NF2: variants seen among roughly 807,000 people sequenced by gnomAD.
NF2 encodes the protein NF2, moesin-ezrin-radixin like (MERLIN) tumor suppressor.
In NF2, 8 loss-of-function variants were observed where a neutral mutation model predicts 83.7. The ratio of observed to expected loss-of-function variants is 0.10; its 90% CI spans 0.06 to 0.17. NF2 has a LOEUF of 0.17. Among genes scored for constraint, NF2 ranks in the 10% least tolerant of loss-of-function variants. The probability of loss-of-function intolerance (pLI) is 1.00; values close to 1 mark genes in which losing one functional copy is unlikely to be tolerated. For missense variants in NF2, 533 were observed against 744.4 expected (o/e 0.72, Z 3.31); for synonymous variants, 266 against 269.6 (o/e 0.99, Z 0.13).
chr22:29,654,937 G>A (rs774024203), intron 5 of NF2, among the ~76,000 whole-genome samples: 1 of 152,150 alleles, frequency 6.6e-6, no homozygotes, highest in African/African-American at 2.4e-5. Flanking sequence ...GACTAGCATG[G>A]CCTGTAAATG....
intron 11 of NF2, 133 bp downstream of exon 11, chr22:29,672,081 AG>A: frequency 7.4e-7 from 1 of 1,359,328 alleles, no homozygotes; most frequent in Non-Finnish European, 1.0e-6. Context: ...TGAAAAAATC[AG>A]TGCCTTTTCT....
intron 5 of NF2, among the ~76,000 whole-genome samples, chr22:29,655,040 T>A (rs2066258171): frequency 6.6e-6 from 1 of 152,070 alleles, no homozygotes; most frequent in Non-Finnish European, 1.5e-5. Flanking sequence ...CTTGGGGAAT[T>A]GAGCTGTTTG....
At chr22:29,665,282 C>A (rs2066589738) in intron 9 of NF2, among the ~76,000 whole-genome samples, 1 of 151,814 alleles carries the variant, frequency 6.6e-6, no homozygotes, top group Non-Finnish European at 1.5e-5. Context: ...GCTCTGTCGC[C>A]CAGGCTGGAG....
intron 11 of NF2, 69 bp from the exon 12 acceptor site, chr22:29,673,200 G>T: frequency 6.6e-7 from 1 of 1,505,994 alleles, no homozygotes; most frequent in South Asian, 1.2e-5. Context: ...CCATCTCAGT[G>T]TTCAAGGCAG....
At chr22:29,658,851 G>A (rs990251070) in intron 7 of NF2, among the ~76,000 whole-genome samples, 3 of 152,110 alleles carry the variant, frequency 2.0e-5, no homozygotes, top group African/African-American at 7.2e-5. Flanking sequence ...TGGATGCAGT[G>A]TATAGGCAGC....
chr22:29,654,291 TATC>T (rs1569293055), intron 4 of NF2, among the ~76,000 whole-genome samples: 1 of 152,186 alleles, frequency 6.6e-6, no homozygotes, highest in African/African-American at 2.4e-5. Context: ...GTAAGACTCT[TATC>T]ATATGTTGTT....
At position 29,603,844 on chromosome 22, in the gene NF2, G is replaced by A; in HGVS notation, c.-155G>A. The stretch of plus-strand genomic sequence containing the variant: ...CTCAGGCAGGGTCCTCGCGGCCCAT[G>A]CTGGCCGCTGGGGACCCGCGCAGCC... On this transcript the variant is annotated 5_prime_UTR_variant, in exon 1 of 16. The change abolishes an upstream ATG in the 5' untranslated region. Coordinates refer to ENST00000338641, the MANE Select transcript of NF2 (RefSeq NM_000268.4). The A allele has an allele frequency of 1.7e-6, 1 of 605,322 alleles. No homozygotes were observed. Among genetic ancestry groups the A allele is most frequent in the Non-Finnish European group, 2.9e-6 (1 of 346,170 alleles). The allele number at this position is 605,322 out of a possible 1,614,324, so 37.5% of individuals were successfully genotyped here.
At position 29,636,746 on chromosome 22, in the gene NF2, T is replaced by C. The variant is rs773841516; in HGVS notation, c.115-5T>C. 6.2e-7 allele frequency: 1 copy of C among 1,614,216 alleles called. No individual in the cohort carries two copies. The highest frequency in any genetic ancestry group is 2.2e-5 in the East Asian group (1 of 44,894). ...GTGTCCTTCCCCATTGGTTTGTTAT[T>C]GCAGATGAAGTGGAAAGGGAAGGAC... On this transcript the variant is annotated splice_region_variant and splice_polypyrimidine_tract_variant and intron_variant, in intron 1 of 15. Transcript: ENST00000338641. The surrounding 1 kb of genome is among the most constrained non-coding windows in gnomAD (Gnocchi z 4.4).
chr22:29,684,149 C>T (rs2067217750), intron 15 of NF2: 2 of 168,304 alleles, frequency 1.2e-5, no homozygotes, highest in Non-Finnish European at 2.6e-5. Flanking sequence ...TTAAAAGGTA[C>T]ACTTGAGCTG....
rs187803691 is a variant in NF2, at chr22:29,639,847, A to G, written c.363+635A>G. 3.0e-5 allele frequency among the ~76,000 whole-genome samples: 4 copies of G among 132,078 alleles called. No individual in the cohort carries two copies. The Admixed American group carries it at 3.6e-4, about 12-fold the overall frequency. 86.6% of individuals were successfully genotyped at this position (132,078 alleles called of 152,430 possible). On this transcript the variant is annotated intron_variant, in intron 3 of 15. Coordinates refer to ENST00000338641, the MANE Select transcript of NF2 (RefSeq NM_000268.4). ...CAGTGAGCCAAGATCGCGCCACTGC[A>G]CTCCAGCTTGGGCAACAGAGTGAGG... is the stretch of plus-strand genomic sequence containing the variant.
At chr22:29,649,786 A>G (rs1046935110) in intron 4 of NF2, among the ~76,000 whole-genome samples, 1 of 151,872 alleles carries the variant, frequency 6.6e-6, no homozygotes, top group Non-Finnish European at 1.5e-5. Context: ...GTACAAAAAA[A>G]AAAAAGAAAA....
At chr22:29,671,749 G>A (rs2066795092) in intron 10 of NF2, 77 bp from the exon 11 acceptor site, 1 of 1,603,514 alleles carries the variant, frequency 6.2e-7, no homozygotes, top group Non-Finnish European at 8.5e-7. Flanking sequence ...ACTGGAGATG[G>A]GGCATCTTTG....
intron 6 of NF2, among the ~76,000 whole-genome samples, chr22:29,656,579 A>C (rs1184768273): frequency 6.6e-6 from 1 of 151,482 alleles, no homozygotes; most frequent in Non-Finnish European, 1.5e-5. Context: ...GCCTAGGCTA[A>C]TTTTTTGTGT....
intron 15 of NF2, 65 bp downstream of exon 15, chr22:29,681,666 C>T: frequency 3.1e-6 from 5 of 1,598,772 alleles, no homozygotes; most frequent in Non-Finnish European, 4.3e-6. Flanking sequence ...GTGCGGTTGG[C>T]ATCTGGTTTC....
chr22:29,691,978 G>A (rs1476329301), intron 15 of NF2, among the ~76,000 whole-genome samples: 1 of 152,244 alleles, frequency 6.6e-6, no homozygotes, highest in African/African-American at 2.4e-5. Context: ...TCCAGCAGCA[G>A]GGAGGAGCAT....
chr22:29,697,309 C>G lies in NF2; in HGVS notation c.*2507C>G, dbSNP rs1362563333. 4.9e-6 allele frequency: 1 copy of G among 203,086 alleles called. No homozygotes were observed. Among genetic ancestry groups the G allele is most frequent in the Admixed American group, 6.0e-5 (1 of 16,748 alleles). The allele number at this position is 203,086 out of a possible 1,614,324, so 12.6% of individuals were successfully genotyped here. On this transcript the variant is annotated 3_prime_UTR_variant, in exon 16 of 16. Transcript: ENST00000338641. ...TGGGAAGTGCCAAGCCACGCGGCCT[C>G]AAGGGAGCTGGCTGGTGTTTGAGCT...
chr22:29,672,773 A>C (rs1437696442), intron 11 of NF2, among the ~76,000 whole-genome samples: 1 of 137,982 alleles, frequency 7.2e-6, no homozygotes, highest in Non-Finnish European at 1.6e-5. Flanking sequence ...GCGCCAACAC[A>C]TCCAGCTTTT....
chr22:29,663,952 T>C (rs1290662096), intron 8 of NF2, among the ~76,000 whole-genome samples: 1 of 152,214 alleles, frequency 6.6e-6, no homozygotes, highest in East Asian at 1.9e-4. Flanking sequence ...GTCTTTATCA[T>C]TCATCTTTCT....
At chr22:29,691,697 G>A (rs1482016989) in intron 15 of NF2, among the ~76,000 whole-genome samples, 1 of 152,242 alleles carries the variant, frequency 6.6e-6, no homozygotes, top group African/African-American at 2.4e-5. Flanking sequence ...ATCCACAGGT[G>A]AGGAGCCTGC....
Sources: gnomAD v4.1 joint callset for allele counts (sites outside exome capture counted in the v4.1 genomes callset) on GRCh38, gnomAD v4.1.1 for gene constraint, Gnocchi (gnomAD v3.1) non-coding constraint, MANE v1.5 for transcripts, NCBI Gene and HGNC (gene_info 2026-07-23, HGNC 2026-07-21) for gene names.